Variants in ACSL6 observed in about 807,000 individuals in gnomAD.
ACSL6 encodes long-chain-fatty-acid--CoA ligase 6.
In ACSL6, 47 loss-of-function variants were observed where a neutral mutation model predicts 98.2. That is an observed-to-expected ratio of 0.48 (90% CI 0.38 to 0.61). The LOEUF (loss-of-function observed/expected upper bound fraction) is 0.61. Ranked by LOEUF, ACSL6 falls within the 20% of genes least tolerant of loss-of-function variation. The pLI, the probability that ACSL6 is intolerant of heterozygous loss-of-function variation, is 0.00. For missense variants in ACSL6, 761 were observed against 913.4 expected (o/e 0.83, Z 2.15); for synonymous variants, 362 against 336.9 (o/e 1.07, Z -0.82).
chr5:131,988,929 T>C (rs892230547), intron 5 of ACSL6, 25 bp from the exon 6 acceptor site: 1 of 1,532,340 alleles, frequency 6.5e-7, no homozygotes, highest in Non-Finnish European at 9.0e-7. Flanking sequence ...GAGGCGGGGG[T>C]GGGGAAGAAG....
At chr5:131,979,613 T>G (rs1039842691) in intron 9 of ACSL6, among the ~76,000 whole-genome samples, 5 of 152,220 alleles carry the variant, frequency 3.3e-5, no homozygotes, top group African/African-American at 1.2e-4. Flanking sequence ...CATATGGAAT[T>G]TTAAAACATT....
rs1172887869 is a variant in ACSL6 at position 131,951,697 on chromosome 5, TG to T, written c.*2536del. The T allele has an allele frequency of 6.0e-6, 1 of 167,110 alleles. No individual in the cohort carries two copies. Among genetic ancestry groups the T allele is most frequent in the African/African-American group, 2.4e-5 (1 of 41,844 alleles). 10.4% of individuals were successfully genotyped at this position (167,110 alleles called of 1,614,324 possible). A position where few individuals can be genotyped will look rare whatever the true frequency, so the allele number is the denominator to read the frequency against. Reference sequence around the variant, plus strand: ...GCCTCCCAGGTTCATGCCATTCTCCTGCCTCAGCCTCCCGAGTAGCTGGGAC... The same window carrying T: ...GCCTCCCAGGTTCATGCCATTCTCCTCCTCAGCCTCCCGAGTAGCTGGGAC... On this transcript the variant is annotated 3_prime_UTR_variant, in exon 21 of 21. Transcript: ENST00000651883.
At position 131,989,475 on chromosome 5, in the gene ACSL6, G is replaced by T; in HGVS notation, c.484C>A (p.Leu162Ile). 1 of 1,613,174 alleles carries T rather than the reference G, an allele frequency of 6.2e-7. No individual in the cohort carries two copies. The highest frequency in any genetic ancestry group is 8.5e-7 in the Non-Finnish European group (1 of 1,179,604). The change falls in exon 5 of 21, where the codon CTT (leucine) becomes ATT (isoleucine). Residue 162 changes from leucine to isoleucine, a missense_variant. Leu to Ile is a conservative substitution (Grantham distance 5). Transcript: ENST00000651883. ...ADRAEFLGSG[L>I]LQHNCKACTD... ...CATGCTTTACAATTGTGCTGGAGAA[G>T]TCCGGACCCCAGAAATTCAGCCCTG...
chr5:131,969,508 A>G (rs757101937), intron 15 of ACSL6, among the ~76,000 whole-genome samples: 2 of 152,184 alleles, frequency 1.3e-5, no homozygotes, highest in Non-Finnish European at 2.9e-5. Context: ...AGCTAAATAG[A>G]AGTTATGCAC....
chr5:131,967,537 C>T (rs960796567), intron 16 of ACSL6, among the ~76,000 whole-genome samples: 1 of 151,366 alleles, frequency 6.6e-6, no homozygotes, highest in Admixed American at 6.6e-5. Flanking sequence ...TGGTGGCGGG[C>T]ACCTGTAGTC....
chr5:131,971,491 G>A (rs1667704868), intron 14 of ACSL6, 59 bp downstream of exon 14: 1 of 1,443,614 alleles, frequency 6.9e-7, no homozygotes, highest in Non-Finnish European at 9.3e-7. Context: ...GGGTATAGTA[G>A]TTTTCCTGCC....
intron 1 of ACSL6, among the ~76,000 whole-genome samples, chr5:132,008,222 C>T (rs1347598255): frequency 1.3e-5 from 2 of 152,206 alleles, no homozygotes; most frequent in African/African-American, 2.4e-5. Context: ...AATCTCCAAA[C>T]CCCTGGGGTG....
chr5:131,974,149 C>T (rs1044012112), intron 11 of ACSL6: 2 of 152,532 alleles, frequency 1.3e-5, no homozygotes, highest in African/African-American at 4.8e-5. Flanking sequence ...TACATAAGAC[C>T]TCCCCCAAGG....
chr5:131,967,730 T>A lies in ACSL6; in HGVS notation c.1596+210A>T, dbSNP rs188083076. 1.1e-4 allele frequency among the ~76,000 whole-genome samples: 16 copies of A among 151,804 alleles called. No homozygotes were observed. In the East Asian group the frequency reaches 3.1e-3, roughly 29 times the overall value. ...AATTTAAAAATCTGGGAATTCCAAA[T>A]CTTTATTTAAACCAGCTCAGTCCCA... On this transcript the variant is annotated intron_variant, in intron 16 of 20. Coordinates refer to ENST00000651883, the MANE Select transcript of ACSL6 (RefSeq NM_001009185.3).
At chr5:131,977,742 C>T (rs1472090467) in intron 9 of ACSL6, among the ~76,000 whole-genome samples, 1 of 152,118 alleles carries the variant, frequency 6.6e-6, no homozygotes, top group African/African-American at 2.4e-5. Flanking sequence ...CAACCCTCAC[C>T]CTGAATGAGG....
At position 131,988,096 on chromosome 5, in the gene ACSL6, C is replaced by T. The variant is rs72793264; in HGVS notation, c.783G>A (p.Glu261=). 3.7e-3 allele frequency: 5,904 copies of T among 1,614,212 alleles called. 20 individuals are homozygous for T. The highest frequency in any genetic ancestry group is 4.6e-3 in the Non-Finnish European group (5,407 of 1,180,036). ...TGACCACCCCGCACTTCTGCCCTCT[C>T]TCTTTCAGGGCTTCTTCGAATGGGT... ...LMDPFEEALK[E]RGQKCGVVIK... Residue 261 remains glutamate (E), a synonymous_variant, in exon 7 of 21, where the codon GAG becomes GAA. Coordinates refer to ENST00000651883, the MANE Select transcript of ACSL6 (RefSeq NM_001009185.3).
At chr5:131,975,233 T>G in intron 10 of ACSL6, 1 of 1,340,292 alleles carries the variant, frequency 7.5e-7, no homozygotes, top group Non-Finnish European at 9.6e-7. Context: ...GGTCGCAGCG[T>G]CAGTGGGTCT....
chr5:131,985,500 T>G, intron 8 of ACSL6, 42 bp from the exon 9 acceptor site: 1 of 1,611,032 alleles, frequency 6.2e-7, no homozygotes. Flanking sequence ...AGACCCAGTG[T>G]GGCCAGCCAG....
At chr5:131,993,413 C>A in intron 2 of ACSL6, 1 of 155,404 alleles carries the variant, frequency 6.4e-6, no homozygotes. Flanking sequence ...CAGTACATTC[C>A]ATTTGTTTGT....
At position 131,988,207 on chromosome 5, in the gene ACSL6, A is replaced by C; in HGVS notation, c.672T>G (p.Ile224Met). 1 of 1,614,106 alleles carries C rather than the reference A, an allele frequency of 6.2e-7. No individual in the cohort carries two copies. Among genetic ancestry groups the C allele is most frequent in the Non-Finnish European group, 8.5e-7 (1 of 1,180,012 alleles). The change falls in exon 7 of 21, where the codon ATT becomes ATG. Residue 224 changes from isoleucine to methionine, a missense_variant. Coordinates refer to ENST00000651883, the MANE Select transcript of ACSL6 (RefSeq NM_001009185.3). Reference sequence around the variant, plus strand: ...GCACAGCCTTCTGAGGTTTGTCCACAATCACGGTGCTGATGTCCGCTGCAG... The same window carrying C: ...GCACAGCCTTCTGAGGTTTGTCCACCATCACGGTGCTGATGTCCGCTGCAG... ...IINTADISTVIVDKPQKAVLL... is the reference protein window; with the variant it reads ...IINTADISTVMVDKPQKAVLL...
chr5:132,012,002 C>A, upstream of ACSL6: 6 of 1,487,416 alleles, frequency 4.0e-6, no homozygotes, highest in Non-Finnish European at 5.4e-6. Flanking sequence ...GCCACCCACC[C>A]CATCAACACG....
chr5:131,975,838 G>A, intron 10 of ACSL6: 1 of 985,468 alleles, frequency 1.0e-6, no homozygotes, highest in African/African-American at 1.7e-5. Flanking sequence ...TCACTCTCCT[G>A]TGCTGGCTTT....
In ACSL6 at chr5:131,970,068, C is replaced by G. The variant is rs910413518; in HGVS notation, c.1507+60G>C. On this transcript the variant is annotated intron_variant, in intron 15 of 20. Coordinates refer to ENST00000651883, the MANE Select transcript of ACSL6 (RefSeq NM_001009185.3). The stretch of plus-strand genomic sequence containing the variant: ...TACTTTCCATGAGGGAGTTTTAGAG[C>G]TGGCTGCTTTTACTCCACAGTGCCT... The G allele has an allele frequency of 4.0e-6, 6 of 1,504,512 alleles. No homozygotes were observed. The East Asian group carries it at 6.8e-5, about 17-fold the overall frequency. The allele number at this position is 1,504,512 out of a possible 1,614,324, so 93.2% of individuals were successfully genotyped here.
rs769221756 is a variant in ACSL6 at position 131,971,564 on chromosome 5, C to T, written c.1420G>A (p.Ala474Thr). ...AATGACAATACCTGGCACCCTAGAG[C>T]TGCCCGGAGAAATCCCAGAACTGTT... is the stretch of plus-strand genomic sequence containing the variant. ...SPTVLGFLRA[A>T]LGCQVYEGYG... Residue 474 changes from alanine (A) to threonine (T), a missense_variant, in exon 14 of 21, where the codon GCT (alanine) becomes ACT (threonine). By Grantham distance (58) the Ala-to-Thr change is moderately conservative. Coordinates refer to ENST00000651883, the MANE Select transcript of ACSL6 (RefSeq NM_001009185.3). 6.2e-7 allele frequency: 1 copy of T among 1,609,724 alleles called. No individual in the cohort carries two copies. The highest frequency in any genetic ancestry group is 8.5e-7 in the Non-Finnish European group (1 of 1,177,692).
Sources: gnomAD v4.1 joint callset for allele counts (sites outside exome capture counted in the v4.1 genomes callset) on GRCh38, gnomAD v4.1.1 for gene constraint, MANE v1.5 for transcripts, NCBI Gene and HGNC (gene_info 2026-07-23, HGNC 2026-07-21) for gene names.